Variants in PPARGC1B observed in about 807,000 individuals in gnomAD.
PPARGC1B encodes the protein PPARG coactivator 1 beta, also known as peroxisome proliferator-activated receptor gamma coactivator 1-beta.
In PPARGC1B, 34 loss-of-function variants were observed where a neutral mutation model predicts 101.6. The observed-to-expected ratio is 0.33, with a 90% CI of 0.25 to 0.45. The LOEUF is 0.45. PPARGC1B is among the 20% of genes least tolerant of loss of function. PPARGC1B has a pLI of 1.00. For missense variants in PPARGC1B, 1,234 were observed against 1,317.6 expected, an observed-to-expected ratio of 0.94 and a Z score of 0.98; for synonymous variants, 548 against 539.3, an observed-to-expected ratio of 1.02 and a Z score of -0.22.
chr5:149,768,441 A>ATTTTT (rs34427591), intron 1 of PPARGC1B, among the ~76,000 whole-genome samples: 12 of 127,524 alleles, frequency 9.4e-5, no homozygotes, highest in African/African-American at 3.4e-4. Context: ...TGCCTGGCTA[A>ATTTTT]TTTTTTTTTT....
chr5:149,851,427 C>A lies in PPARGC1B; in HGVS notation c.*3869C>A, dbSNP rs976750456. On this transcript the variant is annotated 3_prime_UTR_variant, in exon 12 of 12. Coordinates refer to ENST00000309241, the MANE Select transcript of PPARGC1B (RefSeq NM_133263.4). ...GCTCATCCTAACTGTGAAGCAAAATCAGCCCCAGAGGATGTATTGATCTGA... is the reference window on the plus strand; with the variant it reads ...GCTCATCCTAACTGTGAAGCAAAATAAGCCCCAGAGGATGTATTGATCTGA... 13 of 152,220 alleles carry A rather than the reference C, an allele frequency of 8.5e-5. No individual in the cohort carries two copies. 9.4% of individuals were successfully genotyped at this position (152,220 alleles called of 1,614,324 possible).
intron 1 of PPARGC1B, among the ~76,000 whole-genome samples, chr5:149,784,393 G>A (rs1391086779): frequency 1.6e-4 from 25 of 151,850 alleles, no homozygotes; most frequent in Admixed American, 1.6e-3. Flanking sequence ...CAGCCAGAGT[G>A]CAAATCTATC....
intron 1 of PPARGC1B, among the ~76,000 whole-genome samples, chr5:149,812,960 CATTT>C (rs1465595836): frequency 1.3e-5 from 2 of 152,208 alleles, no homozygotes; most frequent in Non-Finnish European, 2.9e-5. Flanking sequence ...AGGAACAAAA[CATTT>C]ATAAAGTGAA....
At chr5:149,823,392 A>G (rs1036320581) in intron 2 of PPARGC1B, among the ~76,000 whole-genome samples, 1 of 152,024 alleles carries the variant, frequency 6.6e-6, no homozygotes, top group African/African-American at 2.4e-5. Flanking sequence ...GCGATCTCTG[A>G]TATTCTTTCT....
intron 2 of PPARGC1B, among the ~76,000 whole-genome samples, chr5:149,823,649 G>A (rs1758391541): frequency 6.6e-6 from 1 of 152,182 alleles, no homozygotes; most frequent in South Asian, 2.1e-4. Context: ...GAAGAGGAGA[G>A]GGGTGGCACA....
rs1359922678 is a variant in PPARGC1B, at chr5:149,836,909, G to C, written c.2454G>C (p.Glu818Asp). The C allele has an allele frequency of 3.1e-6, 5 of 1,613,466 alleles. No individual in the cohort carries two copies. In the East Asian group the frequency reaches 1.1e-4, roughly 36 times the overall value. ...EEEEEGEEEE[E>D]DDEEEDSGVS... ...AGGAAGAAGGGGAGGAGGAGGAGGA[G>C]GACGATGAAGAAGAGGACTCAGGGG... Residue 818 changes from glutamate (E) to aspartate (D), a missense_variant, in exon 8 of 12, where the codon GAG becomes GAC. Around this residue, in one of 3 missense-constraint regions of PPARGC1B, gnomAD observed 497 missense variants for 529.5 expected, o/e 0.94. Coordinates refer to ENST00000309241, the MANE Select transcript of PPARGC1B (RefSeq NM_133263.4).
intron 1 of PPARGC1B, among the ~76,000 whole-genome samples, chr5:149,784,862 C>T (rs1034161615): frequency 2.0e-5 from 3 of 152,144 alleles, no homozygotes; most frequent in Non-Finnish European, 4.4e-5. Context: ...CCACCGCGCC[C>T]GGTCCAGCCA....
chr5:149,830,068 A>AAAAAC (rs1561602406), intron 3 of PPARGC1B, among the ~76,000 whole-genome samples: 4 of 147,178 alleles, frequency 2.7e-5, no homozygotes, highest in African/African-American at 1.0e-4. Flanking sequence ...AAAAAAAAAA[A>AAAAAC]AACAGGGTGG....
chr5:149,731,133 C>A (rs529212306), intron 1 of PPARGC1B, among the ~76,000 whole-genome samples: 2 of 151,922 alleles, frequency 1.3e-5, no homozygotes, highest in South Asian at 4.2e-4. Flanking sequence ...GCGCGCTCCA[C>A]GATGCAGGGG....
chr5:149,786,081 C>G (rs1756797564), intron 1 of PPARGC1B, among the ~76,000 whole-genome samples: 1 of 152,022 alleles, frequency 6.6e-6, no homozygotes, highest in Non-Finnish European at 1.5e-5. Context: ...TGCTACAATG[C>G]CAGGCAGATT....
chr5:149,757,138 G>A (rs985767162), intron 1 of PPARGC1B, among the ~76,000 whole-genome samples: 7 of 152,148 alleles, frequency 4.6e-5, no homozygotes, highest in African/African-American at 4.8e-5. Context: ...TAGAAAGTGC[G>A]GTCCAGACGC....
chr5:149,820,913 A>G (rs991688050), intron 2 of PPARGC1B, among the ~76,000 whole-genome samples: 9 of 151,990 alleles, frequency 5.9e-5, no homozygotes, highest in Non-Finnish European at 8.8e-5. Context: ...TGTTCCCTAC[A>G]TTATCTCATC....
rs894916792 is a variant in PPARGC1B at position 149,854,734 on chromosome 5, A to C, written c.*7176A>C. On this transcript the variant is annotated 3_prime_UTR_variant, in exon 12 of 12. Transcript: ENST00000309241. ...TGTGATTTCTCTGTCTTACCTTCTA[A>C]ATGAGAAAATGTTTTCTTGTATTTG... 1 of 152,152 alleles carries C rather than the reference A, an allele frequency of 6.6e-6. No individual in the cohort carries two copies. The highest frequency in any genetic ancestry group is 1.5e-5 in the Non-Finnish European group (1 of 68,040). The allele number at this position is 152,152 out of a possible 1,614,324, so 9.4% of individuals were successfully genotyped here.
intron 1 of PPARGC1B, among the ~76,000 whole-genome samples, chr5:149,731,925 C>T (rs960012692): frequency 2.6e-5 from 4 of 152,006 alleles, no homozygotes; most frequent in African/African-American, 4.8e-5. Context: ...AGCCGCGGGG[C>T]CGCGTGGTCG....
At chr5:149,731,639 GGA>G (rs1375805743) in intron 1 of PPARGC1B, among the ~76,000 whole-genome samples, 1 of 152,152 alleles carries the variant, frequency 6.6e-6, no homozygotes, top group African/African-American at 2.4e-5. Context: ...GGAGGTGGGA[GGA>G]GAGAGAGGGA....
intron 1 of PPARGC1B, among the ~76,000 whole-genome samples, chr5:149,819,952 A>G (rs1166285140): frequency 6.6e-6 from 1 of 152,234 alleles, no homozygotes. Context: ...ATATTCCTAT[A>G]AAATTCCTGG....
In PPARGC1B at chr5:149,853,314, G is replaced by A. The variant is rs951965260; in HGVS notation, c.*5756G>A. On this transcript the variant is annotated 3_prime_UTR_variant, in exon 12 of 12. Coordinates refer to ENST00000309241, the MANE Select transcript of PPARGC1B (RefSeq NM_133263.4). The surrounding 1 kb of genome is among the most constrained non-coding windows in gnomAD (Gnocchi z 4.2). ...GGGAATGAAATATAATGGCCTGAAC[G>A]AACTGCCTTTGTGTTCAGAGATCAG... 1 of 152,206 alleles carries A rather than the reference G, an allele frequency of 6.6e-6. No homozygotes were observed. Among genetic ancestry groups the A allele is most frequent in the Non-Finnish European group, 1.5e-5 (1 of 68,046 alleles). 9.4% of individuals were successfully genotyped at this position (152,206 alleles called of 1,614,324 possible). A position where few individuals can be genotyped will look rare whatever the true frequency, so the allele number is the denominator to read the frequency against.
rs536644035 is a variant in PPARGC1B, at chr5:149,761,614, T to C, written c.78+31194T>C. ...AGATGAATGGATAAAGAAAATGTGGTATGTACATATAACAGAATATTATGC... is the reference window on the plus strand; with the variant it reads ...AGATGAATGGATAAAGAAAATGTGGCATGTACATATAACAGAATATTATGC... On this transcript the variant is annotated intron_variant, in intron 1 of 11. Coordinates refer to ENST00000309241, the MANE Select transcript of PPARGC1B (RefSeq NM_133263.4). The C allele has an allele frequency of 4.6e-5, 7 of 152,310 alleles. No individual in the cohort carries two copies. The East Asian group carries it at 9.6e-4, about 21-fold the overall frequency. 9.4% of individuals were successfully genotyped at this position (152,310 alleles called of 1,614,324 possible).
At chr5:149,817,074 C>G (rs542564101) in intron 1 of PPARGC1B, among the ~76,000 whole-genome samples, 1 of 152,176 alleles carries the variant, frequency 6.6e-6, no homozygotes, top group African/African-American at 2.4e-5. Context: ...GACCTCAACG[C>G]CTTGTGCCTT....
Sources: allele counts gnomAD v4.1 joint callset (sites outside exome capture counted in the v4.1 genomes callset), GRCh38; gene constraint gnomAD v4.1.1; regional missense constraint gnomAD v4.1.1; non-coding constraint Gnocchi (gnomAD v3.1); transcripts MANE v1.5; gene names NCBI Gene and HGNC (gene_info 2026-07-23, HGNC 2026-07-21).